The following NTRK1 variants were observed in gnomAD, a reference collection of about 807,000 sequenced individuals.
The protein encoded by NTRK1 is neurotrophic receptor tyrosine kinase 1, also known as high affinity nerve growth factor receptor.
Under a neutral mutation model 86.8 loss-of-function variants are expected in NTRK1, and 62 were observed. The observed-to-expected ratio is 0.71, with a 90% CI of 0.58 to 0.88. The LOEUF (loss-of-function observed/expected upper bound fraction) is 0.88, where lower values mean the gene tolerates loss of function less well. Ranked by LOEUF, NTRK1 falls within the 40% of genes least tolerant of loss-of-function variation. NTRK1 has a pLI of 0.00. For synonymous variants in NTRK1, 469 were observed against 456.6 expected, an observed-to-expected ratio of 1.03 and a Z score of -0.35; for missense variants, 967 against 1,078.4, an observed-to-expected ratio of 0.90 and a Z score of 1.45.
At chr1:156,862,240 C>T (rs148803131) in intron 1 of NTRK1, among the ~76,000 whole-genome samples, 57 of 152,220 alleles carry the variant, frequency 3.7e-4, no homozygotes, top group Middle Eastern at 3.4e-3. Flanking sequence ...TGGTAATTAA[C>T]GGGAAGGCAC....
In NTRK1 at chr1:156,854,013, C is replaced by T. The variant is rs140557452; in HGVS notation, c.51-10341C>T. ...ACGGCCCCAAGTGCAGGCAGTGCCACGTCACGCAGATGTGGCATCTCAAAG... is the reference window on the plus strand; with the variant it reads ...ACGGCCCCAAGTGCAGGCAGTGCCATGTCACGCAGATGTGGCATCTCAAAG... On this transcript the variant is annotated intron_variant, in intron 2 of 16. Coordinates refer to the NTRK1 transcript ENST00000392302. The surrounding 1 kb of genome is among the most constrained non-coding windows in gnomAD (Gnocchi z 4.2). The T allele has an allele frequency of 4.1e-4, 665 of 1,613,768 alleles. 1 individual carries two copies. Among genetic ancestry groups the T allele is most frequent in the Non-Finnish European group, 5.2e-4 (616 of 1,179,886 alleles).
intron 2 of NTRK1, among the ~76,000 whole-genome samples, chr1:156,847,132 G>A (rs570933478): frequency 2.0e-5 from 3 of 152,324 alleles, no homozygotes; most frequent in Non-Finnish European, 4.4e-5. Context: ...TGCCTGGAAC[G>A]AGGAACAGGA....
At chr1:156,869,346 G>T (rs1445183620) in intron 6 of NTRK1, among the ~76,000 whole-genome samples, 1 of 152,054 alleles carries the variant, frequency 6.6e-6, no homozygotes, top group Non-Finnish European at 1.5e-5. Flanking sequence ...CCAAAGTGCT[G>T]GGATTACAGG....
At chr1:156,827,340 T>C (rs954274139) in intron 1 of NTRK1, among the ~76,000 whole-genome samples, 8 of 151,978 alleles carry the variant, frequency 5.3e-5, no homozygotes, top group Non-Finnish European at 1.2e-4. Context: ...TGGCTCACTG[T>C]AACCTCCACC....
At chr1:156,846,729 C>A (rs752824738) in intron 2 of NTRK1, 6 of 1,613,978 alleles carry the variant, frequency 3.7e-6, no homozygotes, top group East Asian at 2.2e-5. Context: ...GCATCTGGAC[C>A]CACGTGCTCT....
chr1:156,875,942 G>A, intron 12 of NTRK1, 138 bp from the exon 13 acceptor site: 1 of 1,347,940 alleles, frequency 7.4e-7, no homozygotes, highest in Non-Finnish European at 1.1e-6. Flanking sequence ...CTGAAGGGGT[G>A]CAGGTTGAAT....
Position 156,881,654 on chromosome 1 carries a change from AG to A in NTRK1, c.*16del. 1 of 1,595,656 alleles carries A rather than the reference AG, an allele frequency of 6.3e-7. No individual in the cohort carries two copies. Among genetic ancestry groups the A allele is most frequent in the Non-Finnish European group, 8.5e-7 (1 of 1,171,952 alleles). On this transcript the variant is annotated 3_prime_UTR_variant, in exon 17 of 17. Coordinates refer to ENST00000524377, the MANE Select transcript of NTRK1 (RefSeq NM_002529.4). ...ATGTCCTGGGCTAGGGGGCCGGCCC[AG>A]GGGCTGGGAGTGGTTAGCCGGAATA...
intron 1 of NTRK1, among the ~76,000 whole-genome samples, chr1:156,827,493 C>T (rs1654350243): frequency 1.3e-5 from 2 of 152,130 alleles, no homozygotes. Context: ...AACTCTTGAC[C>T]TCAGGTGATC....
intron 1 of NTRK1, among the ~76,000 whole-genome samples, chr1:156,862,285 G>A (rs914446817): frequency 3.1e-4 from 47 of 152,178 alleles, no homozygotes; most frequent in African/African-American, 1.1e-3. Flanking sequence ...AGGGAGACCA[G>A]GAGTAGAGGA....
chr1:156,864,127 G>C (rs538731330), intron 1 of NTRK1, among the ~76,000 whole-genome samples: 4 of 152,116 alleles, frequency 2.6e-5, no homozygotes, highest in African/African-American at 4.8e-5. Context: ...ATGTATGTGC[G>C]CTTGTGTGTT....
At chr1:156,864,157 G>T (rs1384398632) in intron 1 of NTRK1, among the ~76,000 whole-genome samples, 197 bp from the exon 2 acceptor site, 2 of 152,206 alleles carry the variant, frequency 1.3e-5, no homozygotes, top group Non-Finnish European at 2.9e-5. Flanking sequence ...ACATGTGCAT[G>T]TGTGACTTGA....
intron 1 of NTRK1, chr1:156,816,006 C>T (rs758191370): frequency 2.4e-5 from 38 of 1,613,500 alleles, no homozygotes; most frequent in African/African-American, 1.3e-4. Flanking sequence ...TTCCACTCAC[C>T]GCAGTGTAGC....
At chr1:156,842,761 C>A (rs1044121478) in intron 2 of NTRK1, among the ~76,000 whole-genome samples, 1 of 152,186 alleles carries the variant, frequency 6.6e-6, no homozygotes, top group Non-Finnish European at 1.5e-5. Flanking sequence ...TAATAATGAT[C>A]TGGACACCCA....
chr1:156,849,218 T>A (rs753857015), intron 2 of NTRK1: 1 of 1,610,632 alleles, frequency 6.2e-7, no homozygotes, highest in East Asian at 2.2e-5. Flanking sequence ...TGGCCGCGTG[T>A]CCACCGGCAC....
intron 6 of NTRK1, among the ~76,000 whole-genome samples, chr1:156,869,994 T>G (rs1647457658): frequency 6.6e-6 from 1 of 152,126 alleles, no homozygotes; most frequent in Non-Finnish European, 1.5e-5. Context: ...CCTGGAACCA[T>G]GTTGAGGGAG....
chr1:156,871,735 C>G lies in NTRK1; in HGVS notation c.830C>G (p.Ser277Cys), dbSNP rs1571693652. Residue 277 changes from serine to cysteine, a missense_variant, in exon 7 of 17, where the codon TCT becomes TGT. By Grantham distance (112) the Ser-to-Cys change is moderately radical. Transcript: ENST00000524377. ...AENDVGRAEV[S>C]VQVNVSFPAS... ...AACGATGTGGGCCGGGCAGAGGTCT[C>G]TGTTCAGGTCAACGTCTCCTGTGAG... is the stretch of plus-strand genomic sequence containing the variant. 2.5e-6 allele frequency: 4 copies of G among 1,614,202 alleles called. No individual in the cohort carries two copies. Among genetic ancestry groups the G allele is most frequent in the Non-Finnish European group, 3.4e-6 (4 of 1,180,030 alleles).
intron 2 of NTRK1, 128 bp downstream of exon 2, chr1:156,864,556 A>G (rs1313473746): frequency 8.5e-7 from 1 of 1,171,488 alleles, no homozygotes; most frequent in Non-Finnish European, 1.3e-6. Flanking sequence ...GGACTGGGAG[A>G]AGTCAGGAAG....
chr1:156,860,755 A>G, upstream of NTRK1: 1 of 1,163,306 alleles, frequency 8.6e-7, no homozygotes, highest in Non-Finnish European at 1.1e-6. Context: ...GGGGCGTCAG[A>G]GAGTAGGAAG....
intron 1 of NTRK1, among the ~76,000 whole-genome samples, chr1:156,823,523 A>T (rs954534315): frequency 6.6e-6 from 1 of 152,190 alleles, no homozygotes; most frequent in African/African-American, 2.4e-5. Flanking sequence ...GAGATCAGGC[A>T]TTCTGTAAGC....
Sources: gnomAD v4.1 joint callset for allele counts (sites outside exome capture counted in the v4.1 genomes callset) on GRCh38, gnomAD v4.1.1 for gene constraint, Gnocchi (gnomAD v3.1) non-coding constraint, MANE v1.5 for transcripts, NCBI Gene and HGNC (gene_info 2026-07-23, HGNC 2026-07-21) for gene names.